ATRN: variants seen among roughly 807,000 people sequenced by gnomAD.
ATRN encodes attractin-2.
Under a neutral mutation model 178.7 loss-of-function variants are expected in ATRN, and 54 were observed. That is an observed-to-expected ratio of 0.30 (90% confidence interval 0.24 to 0.38). The LOEUF (loss-of-function observed/expected upper bound fraction) is 0.38. Among genes scored for constraint, ATRN ranks in the 10% least tolerant of loss-of-function variants. ATRN has a pLI of 1.00. For synonymous variants in ATRN, 636 were observed against 663.0 expected (o/e 0.96, Z 0.63); for missense variants, 1,443 against 1,815.1 (o/e 0.79, Z 3.73).
rs1441319468 is a variant in ATRN, at chr20:3,648,538, G to A, written c.*1691G>A. On this transcript the variant is annotated 3_prime_UTR_variant, in exon 29 of 29. Coordinates refer to ENST00000262919, the MANE Select transcript of ATRN (RefSeq NM_139321.3). ...GATACTCAAAAGAGCTAAAACTGCA[G>A]CATTTTACCTTTAAATGCAGTGCCT... 1 of 152,568 alleles carries A rather than the reference G, an allele frequency of 6.6e-6. No homozygotes were observed. Among genetic ancestry groups the A allele is most frequent in the African/African-American group, 2.4e-5 (1 of 41,452 alleles). 9.5% of individuals were successfully genotyped at this position (152,568 alleles called of 1,614,324 possible). A position where few individuals can be genotyped will look rare whatever the true frequency, so the allele number is the denominator to read the frequency against.
intron 24 of ATRN, among the ~76,000 whole-genome samples, chr20:3,616,925 G>A (rs1600161182): frequency 1.5e-5 from 2 of 135,924 alleles, no homozygotes; most frequent in South Asian, 2.8e-4. Flanking sequence ...TCCACTATAC[G>A]AAGATTTCTT....
chr20:3,576,565 G>A (rs1359722294), intron 13 of ATRN, among the ~76,000 whole-genome samples: 1 of 152,098 alleles, frequency 6.6e-6, no homozygotes, highest in Admixed American at 6.5e-5. Context: ...TGAGCAGGTT[G>A]AGGCATGGTG....
At chr20:3,546,958 G>A (rs2085712897) in intron 4 of ATRN, among the ~76,000 whole-genome samples, 1 of 152,196 alleles carries the variant, frequency 6.6e-6, no homozygotes, top group African/African-American at 2.4e-5. Context: ...CTACCAAGAA[G>A]AATAGGATAG....
At chr20:3,598,944 A>G (rs2086568469) in intron 22 of ATRN, among the ~76,000 whole-genome samples, 1 of 152,256 alleles carries the variant, frequency 6.6e-6, no homozygotes, top group Non-Finnish European at 1.5e-5. Flanking sequence ...AACAAATGTT[A>G]TCTATAAACA....
chr20:3,490,558 G>T, intron 1 of ATRN: 1 of 1,087,304 alleles, frequency 9.2e-7, no homozygotes, highest in South Asian at 1.2e-5. Context: ...CTTCTCAGAT[G>T]CCTTCACGTT....
rs755057658 is a variant in ATRN, at chr20:3,584,732, C to G, written c.3036C>G (p.Gly1012=). 1.5e-5 allele frequency: 25 copies of G among 1,613,776 alleles called. No homozygotes were observed. The highest frequency in any genetic ancestry group is 2.1e-5 in the Non-Finnish European group (25 of 1,179,980). The change falls in exon 18 of 29, where the codon GGC becomes GGG. Residue 1012 remains glycine, a synonymous_variant. Transcript: ENST00000262919. ...GGTGTACTGATCCCAGCAATACTGGCAAAGGGAAATGCATAGAGGGTTCCT... is the reference window on the plus strand; with the variant it reads ...GGTGTACTGATCCCAGCAATACTGGGAAAGGGAAATGCATAGAGGGTTCCT... ...CGWCTDPSNT[G]KGKCIEGSYK...
intron 1 of ATRN, among the ~76,000 whole-genome samples, chr20:3,477,034 G>A (rs942509278): frequency 2.0e-5 from 3 of 150,510 alleles, no homozygotes; most frequent in Non-Finnish European, 4.4e-5. Context: ...GAGGGCAGGG[G>A]CCTGGAGCAT....
chr20:3,481,374 C>G (rs1056918448), intron 1 of ATRN, among the ~76,000 whole-genome samples: 4 of 152,004 alleles, frequency 2.6e-5, no homozygotes, highest in African/African-American at 4.8e-5. Context: ...AGGGGCTTAC[C>G]CTGTCACCCG....
At position 3,500,208 on chromosome 20, in the gene ATRN, A is replaced by T. The variant is rs1289214142; in HGVS notation, c.410+28691A>T. Among the ~76,000 whole-genome samples, 6 of 152,330 alleles carry T rather than the reference A, an allele frequency of 3.9e-5. No individual in the cohort carries two copies. The East Asian group carries it at 1.2e-3, about 29-fold the overall frequency. ...AACAGGTGCTGGAGAGGATGTGGAG[A>T]AATAGGAACGCTTTTACACTGTTGA... On this transcript the variant is annotated intron_variant, in intron 1 of 28. Transcript: ENST00000262919.
chr20:3,512,376 C>T (rs572515240), intron 1 of ATRN, among the ~76,000 whole-genome samples: 287 of 150,516 alleles, frequency 1.9e-3, no homozygotes, highest in African/African-American at 5.5e-3. Context: ...TTTGTCCTTG[C>T]GATAGTTTGC....
Position 3,485,610 on chromosome 20 carries a change from G to GTTTTTTTTTTTTT in ATRN, c.410+14110_410+14122dup, listed in dbSNP as rs3084238. ...TGGTTTGCCAATACATTTTTTTGAG[G>GTTTTTTTTTTTTT]TTTTTTTTTTTTTTTTTTTTTTTTT... On this transcript the variant is annotated intron_variant, in intron 1 of 28. Transcript: ENST00000262919. 1.4e-3 allele frequency among the ~76,000 whole-genome samples: 96 copies of GTTTTTTTTTTTTT among 67,904 alleles called. 19 individuals are homozygous for GTTTTTTTTTTTTT. Among genetic ancestry groups the GTTTTTTTTTTTTT allele is most frequent in the African/African-American group, 2.8e-3 (51 of 18,122 alleles). 44.5% of individuals were successfully genotyped at this position (67,904 alleles called of 152,430 possible). A position where few individuals can be genotyped will look rare whatever the true frequency, so the allele number is the denominator to read the frequency against.
chr20:3,579,918 T>C (rs1459071632), intron 15 of ATRN, among the ~76,000 whole-genome samples: 3 of 152,164 alleles, frequency 2.0e-5, no homozygotes, highest in Non-Finnish European at 4.4e-5. Context: ...ATTCTGAGAC[T>C]GGTAGGAGGT....
At chr20:3,480,597 A>G (rs912615216) in intron 1 of ATRN, among the ~76,000 whole-genome samples, 1 of 152,208 alleles carries the variant, frequency 6.6e-6, no homozygotes, top group African/African-American at 2.4e-5. Context: ...AACAATTCCT[A>G]ACATACAGAG....
chr20:3,486,774 G>A (rs1437365882), intron 1 of ATRN, among the ~76,000 whole-genome samples: 1 of 151,956 alleles, frequency 6.6e-6, no homozygotes, highest in Non-Finnish European at 1.5e-5. Context: ...TTGTATTAAC[G>A]TAGTATTACT....
At chr20:3,493,037 A>C (rs1307689933) in intron 1 of ATRN, among the ~76,000 whole-genome samples, 3 of 146,772 alleles carry the variant, frequency 2.0e-5, no homozygotes, top group Non-Finnish European at 4.5e-5. Flanking sequence ...AATTATATAA[A>C]ATATATAATT....
chr20:3,596,762 T>G (rs1446691363), intron 21 of ATRN, among the ~76,000 whole-genome samples: 1 of 152,138 alleles, frequency 6.6e-6, no homozygotes, highest in East Asian at 1.9e-4. Context: ...ATTTCGTGTT[T>G]TAGGATGTAG....
rs1238248170 is a variant in ATRN, at chr20:3,638,211, A to G, written c.3943-617A>G. On this transcript the variant is annotated intron_variant, in intron 26 of 28. Transcript: ENST00000262919. The surrounding 1 kb of genome is among the most constrained non-coding windows in gnomAD (Gnocchi z 4.5). The stretch of plus-strand genomic sequence containing the variant: ...TACATGTGCCGTGGTGGTTTGCCGC[A>G]CCTATCAGCCTGTTATCTAGGTTTT... Among the ~76,000 whole-genome samples the G allele has an allele frequency of 6.6e-6, 1 of 152,076 alleles. No individual in the cohort carries two copies. Among genetic ancestry groups the G allele is most frequent in the East Asian group, 1.9e-4 (1 of 5,190 alleles).
chr20:3,639,240 C>T (rs970863138), intron 27 of ATRN, among the ~76,000 whole-genome samples: 6 of 150,406 alleles, frequency 4.0e-5, no homozygotes, highest in African/African-American at 1.3e-4. Context: ...CATTGAACAT[C>T]GAATCATTGT....
chr20:3,601,852 A>G (rs1433374690), intron 23 of ATRN, among the ~76,000 whole-genome samples: 1 of 150,336 alleles, frequency 6.7e-6, no homozygotes, highest in East Asian at 1.9e-4. Context: ...CAAACAGAGC[A>G]AGATCCCATC....
Sources: gnomAD v4.1 joint callset for allele counts (sites outside exome capture counted in the v4.1 genomes callset) on GRCh38, gnomAD v4.1.1 for gene constraint, Gnocchi (gnomAD v3.1) non-coding constraint, MANE v1.5 for transcripts, NCBI Gene and HGNC (gene_info 2026-07-23, HGNC 2026-07-21) for gene names.